RIOK3: variants seen among roughly 807,000 people sequenced by gnomAD.
RIOK3 encodes serine/threonine-protein kinase RIO3.
A neutral mutation model predicts 63.5 loss-of-function variants in RIOK3; 40 were observed. The ratio of observed to expected loss-of-function variants is 0.63; its 90% CI spans 0.49 to 0.82. RIOK3 has a LOEUF of 0.82. Among genes scored for constraint, RIOK3 ranks in the 40% least tolerant of loss-of-function variants. RIOK3 has a pLI of 0.00. For missense variants in RIOK3, 557 were observed against 637.0 expected (o/e 0.87, Z 1.35); for synonymous variants, 193 against 205.0 (o/e 0.94, Z 0.50).
intron 1 of RIOK3, among the ~76,000 whole-genome samples, chr18:23,454,586 T>A (rs563409513): frequency 6.6e-6 from 1 of 152,334 alleles, no homozygotes; most frequent in South Asian, 2.1e-4. Context: ...ACCCTGTATG[T>A]TAAAGTCCTT....
At position 23,466,126 on chromosome 18, in the gene RIOK3, T is replaced by C; in HGVS notation, c.544-7T>C. The C allele has an allele frequency of 6.3e-7, 1 of 1,578,080 alleles. No individual in the cohort carries two copies. Among genetic ancestry groups the C allele is most frequent in the Non-Finnish European group, 8.6e-7 (1 of 1,166,736 alleles). ...AATATTTAGATGCTAATTCTTCCTTTTGGCAGTTTGCACCTGAGTTTCAGG... is the reference window on the plus strand; with the variant it reads ...AATATTTAGATGCTAATTCTTCCTTCTGGCAGTTTGCACCTGAGTTTCAGG... On this transcript the variant is annotated splice_polypyrimidine_tract_variant and splice_region_variant and intron_variant, in intron 5 of 12. Coordinates refer to ENST00000339486, the MANE Select transcript of RIOK3 (RefSeq NM_003831.5).
chr18:23,473,510 T>C lies in RIOK3; in HGVS notation c.897T>C (p.Phe299=), dbSNP rs913582581. The C allele has an allele frequency of 6.2e-7, 1 of 1,612,828 alleles. No individual in the cohort carries two copies. The highest frequency in any genetic ancestry group is 8.5e-7 in the Non-Finnish European group (1 of 1,179,018). Residue 299 remains phenylalanine, a synonymous_variant, in exon 8 of 13, where the codon TTT becomes TTC. Transcript: ENST00000339486. The part of the protein sequence containing the change: ...IKVFKTTLNE[F]KNRDKYIKDD... ...TATTTAAAACAACCCTTAATGAATT[T>C]AAGAATCGTGACAAATATATTAAAG...
intron 5 of RIOK3, 99 bp from the exon 6 acceptor site, chr18:23,466,034 T>G: frequency 1.2e-6 from 1 of 838,130 alleles, no homozygotes; most frequent in Non-Finnish European, 1.8e-6. Flanking sequence ...TGTGATCATC[T>G]ATTGAGTAAG....
rs1295671462 is a variant in RIOK3, at chr18:23,475,058, TA to T, written c.1127del (p.Lys376SerfsTer7). ...GTTCCAGCCCCTAAATTAAAAGAAG[TA>T]AAGCTCAATAGTGAAGAAATGAAAG... ...DQVPAPKLKE[V>X]KLNSEEMKEA... On this transcript the variant is annotated frameshift_variant, in exon 9 of 13. Transcript: ENST00000339486. LOFTEE classifies it high-confidence loss of function. The T allele has an allele frequency of 2.5e-6, 4 of 1,613,600 alleles. No homozygotes were observed. Among genetic ancestry groups the T allele is most frequent in the Non-Finnish European group, 3.4e-6 (4 of 1,179,604 alleles).
chr18:23,453,481 A>C lies in RIOK3; in HGVS notation c.42A>C (p.Ala14=). 1 of 1,613,752 alleles carries C rather than the reference A, an allele frequency of 6.2e-7. No homozygotes were observed. Among genetic ancestry groups the C allele is most frequent in the Non-Finnish European group, 8.5e-7 (1 of 1,179,770 alleles). Residue 14 remains alanine, a synonymous_variant, in exon 1 of 13, where the codon GCA becomes GCC. Transcript: ENST00000339486. ...VGVASPEPGT[A]AAWGPSKCPW... is the part of the protein sequence containing the mutation. The stretch of plus-strand genomic sequence containing the variant: ...TGGCATCGCCTGAGCCCGGGACGGC[A>C]GCGGCCTGGGGACCCAGCAAGGTAA...
chr18:23,465,764 C>T (rs1220157690), intron 5 of RIOK3, among the ~76,000 whole-genome samples: 2 of 152,174 alleles, frequency 1.3e-5, no homozygotes, highest in African/African-American at 4.8e-5. Context: ...TATAACAACC[C>T]ACTCTCCACA....
At chr18:23,457,307 TA>T (rs997036208) in intron 1 of RIOK3, among the ~76,000 whole-genome samples, 1 of 151,684 alleles carries the variant, frequency 6.6e-6, no homozygotes, top group Admixed American at 6.6e-5. Flanking sequence ...TAGAGAGTTG[TA>T]AAAAAAATAA....
chr18:23,464,354 T>A, intron 4 of RIOK3, 41 bp downstream of exon 4: 2 of 1,391,884 alleles, frequency 1.4e-6, no homozygotes, highest in Non-Finnish European at 2.0e-6. Context: ...AGAATAGAGG[T>A]ATAGGAAGAC....
chr18:23,469,996 G>A (rs2057445360), intron 7 of RIOK3, among the ~76,000 whole-genome samples: 1 of 152,102 alleles, frequency 6.6e-6, no homozygotes. Context: ...TTATGCAAAC[G>A]AGACCTTATA....
chr18:23,459,312 G>T (rs151126479), intron 1 of RIOK3, among the ~76,000 whole-genome samples: 1 of 152,196 alleles, frequency 6.6e-6, no homozygotes, highest in African/African-American at 2.4e-5. Flanking sequence ...GTAGAAAGGC[G>T]TCAGACCTCT....
intron 1 of RIOK3, among the ~76,000 whole-genome samples, chr18:23,456,629 G>A (rs965854245): frequency 2.6e-5 from 4 of 152,164 alleles, no homozygotes; most frequent in South Asian, 2.1e-4. Flanking sequence ...GTGGCCTCAA[G>A]CAGTCTTCCC....
rs1463364906 is a variant in RIOK3, at chr18:23,473,446, A to G, written c.833A>G (p.Glu278Gly). 1.9e-6 allele frequency: 3 copies of G among 1,608,022 alleles called. No homozygotes were observed. The African/African-American group carries it at 4.0e-5, about 22-fold the overall frequency. The change falls in exon 8 of 13, where the codon GAA (glutamate) becomes GGA (glycine). Residue 278 changes from glutamate to glycine, a missense_variant. Glu to Gly is a moderately conservative substitution (Grantham distance 98, BLOSUM62 -2). Coordinates refer to ENST00000339486, the MANE Select transcript of RIOK3 (RefSeq NM_003831.5). ...CCACTTAGCATGGAGGATGAAAAGG[A>G]AGATAGTAAAGTTATACCTACAGAA... ...AYGGSMEDEK[E>G]DSKVIPTECA...
rs943339397 is a variant in RIOK3, at chr18:23,453,586, G to A, written c.63+84G>A. The A allele has an allele frequency of 1.4e-5, 17 of 1,237,044 alleles. No homozygotes were observed. In the African/African-American group the frequency reaches 2.4e-4, roughly 17 times the overall value. The allele number at this position is 1,237,044 out of a possible 1,614,324, so 76.6% of individuals were successfully genotyped here. On this transcript the variant is annotated intron_variant, in intron 1 of 12. Coordinates refer to ENST00000339486, the MANE Select transcript of RIOK3 (RefSeq NM_003831.5). Reference sequence around the variant, plus strand: ...AAGCTCGGAGAGGGCGGCTTCGTGGGCGATTCGGGAAGTTCTGGGGCGGGA... The same window carrying A: ...AAGCTCGGAGAGGGCGGCTTCGTGGACGATTCGGGAAGTTCTGGGGCGGGA...
At chr18:23,474,570 G>A (rs1446404678) in intron 8 of RIOK3, among the ~76,000 whole-genome samples, 1 of 152,106 alleles carries the variant, frequency 6.6e-6, no homozygotes, top group African/African-American at 2.4e-5. Context: ...CACAGATCCA[G>A]CTATGTTGAT....
intron 1 of RIOK3, among the ~76,000 whole-genome samples, chr18:23,461,564 C>CTAAA (rs2057372167): frequency 6.6e-6 from 1 of 152,178 alleles, no homozygotes; most frequent in Non-Finnish European, 1.5e-5. Flanking sequence ...AGGCATCTTA[C>CTAAA]TAAATAGTAA....
In RIOK3 at chr18:23,481,925, T is replaced by C. The variant is rs1474266009; in HGVS notation, c.*646T>C. 6.6e-6 allele frequency: 1 copy of C among 152,232 alleles called. No individual in the cohort carries two copies. Among genetic ancestry groups the C allele is most frequent in the Non-Finnish European group, 1.5e-5 (1 of 68,034 alleles). 9.4% of individuals were successfully genotyped at this position (152,232 alleles called of 1,614,324 possible). On this transcript the variant is annotated 3_prime_UTR_variant, in exon 13 of 13. Coordinates refer to ENST00000339486, the MANE Select transcript of RIOK3 (RefSeq NM_003831.5). ...TCTAAGAAAAGGCATCATAGGTTTC[T>C]GAAAGAGATAACTATATAACAGCTT...
chr18:23,460,061 A>G (rs2057364821), intron 1 of RIOK3, among the ~76,000 whole-genome samples: 2 of 152,028 alleles, frequency 1.3e-5, no homozygotes, highest in South Asian at 4.2e-4. Flanking sequence ...TTGAGATTGG[A>G]AAGATAAATC....
At chr18:23,463,936 A>G in intron 2 of RIOK3, 31 bp from the exon 3 acceptor site, 1 of 1,567,910 alleles carries the variant, frequency 6.4e-7, no homozygotes, top group Non-Finnish European at 8.6e-7. Context: ...TAAGCACATT[A>G]CATTAGTTTA....
intron 7 of RIOK3, among the ~76,000 whole-genome samples, chr18:23,470,188 C>T (rs762568666): frequency 2.4e-4 from 36 of 152,202 alleles, no homozygotes; most frequent in Non-Finnish European, 2.2e-4. Flanking sequence ...CACGGTGAAA[C>T]TCCGTCTCTA....
Sources: allele counts gnomAD v4.1 joint callset (sites outside exome capture counted in the v4.1 genomes callset), GRCh38; gene constraint gnomAD v4.1.1; transcripts MANE v1.5; gene names NCBI Gene and HGNC (gene_info 2026-07-23, HGNC 2026-07-21).